The following TAFA2 variants were observed in gnomAD, a reference collection of about 807,000 sequenced individuals.
The protein encoded by TAFA2 is TAFA chemokine like family member 2.
Under a neutral mutation model 18.8 loss-of-function variants are expected in TAFA2, and 7 were observed. The observed-to-expected ratio is 0.37, with a 90% CI of 0.21 to 0.70. The LOEUF (loss-of-function observed/expected upper bound fraction) is 0.70. TAFA2 is among the 30% of genes least tolerant of loss of function. TAFA2 has a pLI of 0.53. For missense variants in TAFA2, 122 were observed against 158.1 expected (o/e 0.77, Z 1.23); for synonymous variants, 60 against 54.2 (o/e 1.11, Z -0.47).
intron 2 of TAFA2, among the ~76,000 whole-genome samples, chr12:61,814,265 T>C (rs1020298036): frequency 1.3e-5 from 2 of 151,258 alleles, no homozygotes; most frequent in African/African-American, 4.9e-5. Flanking sequence ...TTGGTATATT[T>C]AATCAACATA....
intron 1 of TAFA2, among the ~76,000 whole-genome samples, chr12:62,110,133 T>C (rs1869656065): frequency 6.6e-6 from 1 of 152,210 alleles, no homozygotes; most frequent in Non-Finnish European, 1.5e-5. Flanking sequence ...ATAGCTCTTA[T>C]TATTTTCAGA....
At chr12:61,988,267 T>G (rs544833321) in intron 1 of TAFA2, among the ~76,000 whole-genome samples, 1 of 152,098 alleles carries the variant, frequency 6.6e-6, no homozygotes, top group African/African-American at 2.4e-5. Flanking sequence ...CAATAGAATT[T>G]AAAGCATTTC....
chr12:62,240,958 C>CA (rs1431625961), intron 1 of TAFA2, among the ~76,000 whole-genome samples: 1 of 152,156 alleles, frequency 6.6e-6, no homozygotes, highest in Non-Finnish European at 1.5e-5. Context: ...AGTTTCATCC[C>CA]AAAACTATTC....
chr12:62,081,437 G>C (rs1330225507), intron 1 of TAFA2, among the ~76,000 whole-genome samples: 2 of 151,814 alleles, frequency 1.3e-5, no homozygotes, highest in Non-Finnish European at 2.9e-5. Context: ...CCAAGAAGCA[G>C]ATTCCAATTT....
At chr12:62,093,131 A>G (rs994840258) in intron 1 of TAFA2, among the ~76,000 whole-genome samples, 2 of 152,030 alleles carry the variant, frequency 1.3e-5, no homozygotes, top group African/African-American at 4.8e-5. Flanking sequence ...GGCTGTTATA[A>G]ATTTTCTTTT....
At chr12:62,227,007 C>T (rs2062789755) in intron 1 of TAFA2, among the ~76,000 whole-genome samples, 1 of 152,178 alleles carries the variant, frequency 6.6e-6, no homozygotes, top group Admixed American at 6.5e-5. Context: ...AATATGGGAA[C>T]ACCCTGCTTA....
At chr12:62,030,941 AG>A in intron 1 of TAFA2, among the ~76,000 whole-genome samples, 1 of 152,226 alleles carries the variant, frequency 6.6e-6, no homozygotes, top group Non-Finnish European at 1.5e-5. Flanking sequence ...GTTATAGAGG[AG>A]GTGTGGCCTT....
intron 1 of TAFA2, among the ~76,000 whole-genome samples, chr12:62,185,384 A>G (rs906592762): frequency 1.3e-5 from 2 of 152,188 alleles, no homozygotes; most frequent in Non-Finnish European, 2.9e-5. Flanking sequence ...ACTGTGAAAA[A>G]GAACTAAAGT....
At chr12:61,986,158 CTTTTTTTTTT>C (rs551223452) in intron 1 of TAFA2, among the ~76,000 whole-genome samples, 6 of 65,838 alleles carry the variant, frequency 9.1e-5, no homozygotes, top group African/African-American at 3.2e-4. Context: ...CTAAGCTCTT[CTTTTTTTTTT>C]TTTTTTTTTT....
rs141585588 is a variant in TAFA2, at chr12:61,827,913, A to G, written c.106+39407T>C. ...TTAGTCCTTGCTTGAATGCCTTCCAATAACAGAAGTCACTACTTCAAAAGA... is the reference window on the plus strand; with the variant it reads ...TTAGTCCTTGCTTGAATGCCTTCCAGTAACAGAAGTCACTACTTCAAAAGA... On this transcript the variant is annotated intron_variant, in intron 2 of 4. Coordinates refer to ENST00000416284, the MANE Select transcript of TAFA2 (RefSeq NM_178539.5). Among the ~76,000 whole-genome samples, 894 of 152,088 alleles carry G rather than the reference A, an allele frequency of 5.9e-3. 10 individuals carry two copies. Among genetic ancestry groups the G allele is most frequent in the African/African-American group, 0.02 (834 of 41,544 alleles).
At position 62,202,731 on chromosome 12, in the gene TAFA2, T is replaced by TA. The variant is rs571189380; in HGVS notation, c.-130+56031dup. Among the ~76,000 whole-genome samples, 45 of 152,026 alleles carry TA rather than the reference T, an allele frequency of 3.0e-4. 1 individual carries two copies. The South Asian group carries it at 9.3e-3, about 32-fold the overall frequency. The stretch of plus-strand genomic sequence containing the variant: ...TTGTCTCTTTGTTCTGATTGGTTTC[T>TA]AAGAACTTCTTGATTTCTGCCTTAA... On this transcript the variant is annotated intron_variant, in intron 1 of 5. Transcript: ENST00000551619.
intron 1 of TAFA2, among the ~76,000 whole-genome samples, chr12:61,891,421 C>T (rs1051515287): frequency 7.2e-5 from 11 of 152,022 alleles, no homozygotes; most frequent in African/African-American, 2.2e-4. Context: ...CCGAGGTGGG[C>T]GGATCCCCTG....
chr12:61,881,102 T>A (rs1592457374), intron 1 of TAFA2, among the ~76,000 whole-genome samples: 1 of 142,802 alleles, frequency 7.0e-6, no homozygotes, highest in East Asian at 2.2e-4. Context: ...CCTACTAAAT[T>A]TTTTTTTCTG....
intron 1 of TAFA2, among the ~76,000 whole-genome samples, chr12:61,979,177 A>C (rs11174265): frequency 6.6e-6 from 1 of 151,938 alleles, no homozygotes; most frequent in Non-Finnish European, 1.5e-5. Context: ...AACTCCCCCA[A>C]ATACTACAGT....
chr12:62,208,365 T>G (rs1354981537), intron 1 of TAFA2, among the ~76,000 whole-genome samples: 1 of 152,204 alleles, frequency 6.6e-6, no homozygotes, highest in Non-Finnish European at 1.5e-5. Flanking sequence ...CTTAACAGTT[T>G]GCACCCATGA....
At chr12:62,144,047 TAAAAAA>T (rs34514238) in intron 1 of TAFA2, among the ~76,000 whole-genome samples, 3 of 79,176 alleles carry the variant, frequency 3.8e-5, no homozygotes, top group Admixed American at 1.5e-4. Context: ...GACCCTATCT[TAAAAAA>T]AAAAAAAAAA....
chr12:62,185,898 C>T (rs2062582718), intron 1 of TAFA2, among the ~76,000 whole-genome samples: 1 of 152,096 alleles, frequency 6.6e-6, no homozygotes, highest in African/African-American at 2.4e-5. Flanking sequence ...TATTAAAATT[C>T]CTATAACCAC....
At position 61,927,556 on chromosome 12, in the gene TAFA2, G is replaced by A. The variant is rs917451421; in HGVS notation, c.-1-60130C>T. 2.0e-5 allele frequency among the ~76,000 whole-genome samples: 3 copies of A among 152,286 alleles called. 1 individual carries two copies. The highest frequency in any genetic ancestry group is 4.1e-4 in the South Asian group (2 of 4,824). Reference sequence around the variant, plus strand: ...AACATTCCATGCTCATGGATAGGAAGAATCAATATCTTGAAAATGGCCCTA... The same window carrying A: ...AACATTCCATGCTCATGGATAGGAAAAATCAATATCTTGAAAATGGCCCTA... On this transcript the variant is annotated intron_variant, in intron 1 of 4. Transcript: ENST00000416284.
At chr12:62,155,434 G>T (rs1277899230) in intron 1 of TAFA2, among the ~76,000 whole-genome samples, 2 of 151,516 alleles carry the variant, frequency 1.3e-5, no homozygotes, top group East Asian at 3.9e-4. Context: ...TCACAGAATT[G>T]GAAAAAAAAA....
Sources: gnomAD v4.1 joint callset for allele counts (sites outside exome capture counted in the v4.1 genomes callset) on GRCh38, gnomAD v4.1.1 for gene constraint, MANE v1.5 for transcripts, NCBI Gene and HGNC (gene_info 2026-07-23, HGNC 2026-07-21) for gene names.